The following DAB1 variants were observed in gnomAD, a reference collection of about 807,000 sequenced individuals.
The protein encoded by DAB1 is disabled homolog 1.
DAB1 carries 15 observed loss-of-function variants against 64.6 expected under a neutral mutation model. The ratio of observed to expected loss-of-function variants is 0.23; its 90% CI spans 0.16 to 0.36. The LOEUF (loss-of-function observed/expected upper bound fraction) is 0.36, where lower values mean the gene tolerates loss of function less well. Among genes scored for constraint, DAB1 ranks in the 10% least tolerant of loss-of-function variants. DAB1 has a pLI of 1.00. For missense variants in DAB1, 596 were observed against 706.7 expected (o/e 0.84, Z 1.78); for synonymous variants, 235 against 251.9 (o/e 0.93, Z 0.64).
chr1:57,970,523 G>A (rs528658391), intron 5 of DAB1, among the ~76,000 whole-genome samples: 5 of 152,060 alleles, frequency 3.3e-5, no homozygotes, highest in African/African-American at 7.2e-5. Context: ...TATCTACGGC[G>A]CTTGAGGAAA....
intron 6 of DAB1, 189 bp downstream of exon 6, chr1:57,071,333 C>T (rs1651438443): frequency 1.4e-6 from 1 of 721,140 alleles, no homozygotes; most frequent in South Asian, 2.0e-5. Context: ...CTTCATCTAA[C>T]ATGTCTAGAG....
At chr1:58,499,477 T>TAG (rs1553122687) in intron 3 of DAB1, among the ~76,000 whole-genome samples, 1 of 143,662 alleles carries the variant, frequency 7.0e-6, no homozygotes, top group African/African-American at 2.6e-5. Context: ...AAAGCCAGAC[T>TAG]ATAGATAGAT....
At chr1:57,105,179 C>A (rs958208827) in intron 4 of DAB1, among the ~76,000 whole-genome samples, 9 of 151,994 alleles carry the variant, frequency 5.9e-5, no homozygotes, top group Admixed American at 2.6e-4. Context: ...GGATATTTTA[C>A]AAATTCTTTT....
intron 6 of DAB1, among the ~76,000 whole-genome samples, chr1:57,678,669 G>T (rs1305603038): frequency 6.6e-6 from 1 of 151,686 alleles, no homozygotes; most frequent in Non-Finnish European, 1.5e-5. Flanking sequence ...TTGATGTGAT[G>T]ATTATTAATA....
chr1:58,168,009 A>C (rs1655957694), intron 4 of DAB1, among the ~76,000 whole-genome samples: 1 of 152,238 alleles, frequency 6.6e-6, no homozygotes, highest in Non-Finnish European at 1.5e-5. Flanking sequence ...TTGGCAACCC[A>C]GATGGGACTA....
At chr1:57,913,669 G>A (rs1240813298) in intron 5 of DAB1, among the ~76,000 whole-genome samples, 3 of 152,086 alleles carry the variant, frequency 2.0e-5, no homozygotes, top group Non-Finnish European at 4.4e-5. Context: ...CCTACAGAAT[G>A]GGAGAAAATT....
At chr1:58,185,964 C>T (rs1309567814) in intron 4 of DAB1, among the ~76,000 whole-genome samples, 1 of 152,170 alleles carries the variant, frequency 6.6e-6, no homozygotes. Context: ...CCATTCTAAT[C>T]TCCTTCTAAC....
At chr1:57,542,295 G>T (rs1415382473) in intron 7 of DAB1, among the ~76,000 whole-genome samples, 1 of 151,836 alleles carries the variant, frequency 6.6e-6, no homozygotes, top group Non-Finnish European at 1.5e-5. Flanking sequence ...TTTTTGGACT[G>T]CATGGTGTGG....
At chr1:57,069,285 G>A in intron 8 of DAB1, 75 bp downstream of exon 8, 2 of 1,256,816 alleles carry the variant, frequency 1.6e-6, no homozygotes, top group Admixed American at 1.7e-5. Context: ...AGAACCCTTG[G>A]TTCTTTAGAC....
chr1:57,932,115 G>A (rs1644962053), intron 5 of DAB1, among the ~76,000 whole-genome samples: 1 of 152,104 alleles, frequency 6.6e-6, no homozygotes, highest in South Asian at 2.1e-4. Context: ...GTGTTATTTA[G>A]AAGTGTGTTG....
chr1:57,592,438 A>G (rs572126520), intron 7 of DAB1, among the ~76,000 whole-genome samples: 100 of 146,100 alleles, frequency 6.8e-4, no homozygotes, highest in African/African-American at 2.6e-3. Context: ...GGCCTCATAG[A>G]AAAAAAAAAT....
chr1:57,929,950 A>T (rs539677971), intron 5 of DAB1, among the ~76,000 whole-genome samples: 1 of 152,294 alleles, frequency 6.6e-6, no homozygotes, highest in African/African-American at 2.4e-5. Flanking sequence ...AATATTCCAC[A>T]CTGGGGACTA....
At chr1:57,236,253 C>T (rs1455442636) in intron 2 of DAB1, among the ~76,000 whole-genome samples, 1 of 152,230 alleles carries the variant, frequency 6.6e-6, no homozygotes, top group African/African-American at 2.4e-5. Context: ...TAACTTTCAA[C>T]TTCCTCCTTT....
At chr1:58,114,448 C>T (rs1044773342) in intron 5 of DAB1, among the ~76,000 whole-genome samples, 15 of 152,168 alleles carry the variant, frequency 9.9e-5, no homozygotes, top group African/African-American at 3.4e-4. Context: ...GATAGGTAGA[C>T]ATAACCAACC....
intron 6 of DAB1, among the ~76,000 whole-genome samples, chr1:57,749,259 G>C (rs1314938553): frequency 1.3e-5 from 2 of 152,196 alleles, no homozygotes; most frequent in Non-Finnish European, 2.9e-5. Context: ...TGAAACTAAG[G>C]CTCAGAGTGG....
chr1:57,826,468 T>A (rs1345516362), intron 1 of DAB1: 2 of 152,136 alleles, frequency 1.3e-5, no homozygotes, highest in Non-Finnish European at 2.9e-5. Context: ...GCAGGAAAAC[T>A]AGGAATTAGC....
intron 5 of DAB1, among the ~76,000 whole-genome samples, chr1:57,910,190 G>C (rs1054755601): frequency 2.6e-5 from 4 of 152,184 alleles, no homozygotes; most frequent in African/African-American, 9.6e-5. Flanking sequence ...GTTTCCTTCT[G>C]CTCCCCTGGG....
At chr1:58,514,254 T>C (rs914283446) in intron 2 of DAB1, among the ~76,000 whole-genome samples, 2 of 152,166 alleles carry the variant, frequency 1.3e-5, no homozygotes, top group Admixed American at 6.5e-5. Context: ...TTTGCTACTA[T>C]TAAATTATAA....
chr1:57,912,705 G>T (rs551343269), intron 5 of DAB1, among the ~76,000 whole-genome samples: 4 of 152,224 alleles, frequency 2.6e-5, no homozygotes, highest in Admixed American at 6.5e-5. Context: ...CATCGTCTCG[G>T]CCCAAAATCT....
Sources: gnomAD v4.1 joint callset for allele counts (sites outside exome capture counted in the v4.1 genomes callset) on GRCh38, gnomAD v4.1.1 for gene constraint, MANE v1.5 for transcripts, NCBI Gene and HGNC (gene_info 2026-07-23, HGNC 2026-07-21) for gene names.